The following MAP3K19 variants were observed in gnomAD, a reference collection of about 807,000 sequenced individuals.
MAP3K19 encodes the protein mitogen-activated protein kinase kinase kinase 19.
A neutral mutation model predicts 114.4 loss-of-function variants in MAP3K19; 91 were observed. The observed-to-expected ratio is 0.80, with a 90% CI of 0.67 to 0.95. The LOEUF (loss-of-function observed/expected upper bound fraction) is 0.95. Ranked by LOEUF, MAP3K19 falls within the 40% of genes least tolerant of loss-of-function variation. The pLI is 0.00. For synonymous variants in MAP3K19, 518 were observed against 530.5 expected, an observed-to-expected ratio of 0.98 and a Z score of 0.32; for missense variants, 1,471 against 1,573.2, an observed-to-expected ratio of 0.94 and a Z score of 1.10.
intron 6 of MAP3K19, among the ~76,000 whole-genome samples, chr2:135,000,479 C>T (rs772220280): frequency 2.8e-4 from 42 of 152,190 alleles, no homozygotes; most frequent in Non-Finnish European, 5.1e-4. Context: ...TTATAGAATA[C>T]GCGCTTGCTC....
chr2:134,993,407 C>T (rs951540614), intron 8 of MAP3K19, among the ~76,000 whole-genome samples: 1 of 152,184 alleles, frequency 6.6e-6, no homozygotes, highest in African/African-American at 2.4e-5. Flanking sequence ...TGGCACCTCC[C>T]CTTCATTCTT....
chr2:135,006,848 GA>G (rs1234202601), intron 5 of MAP3K19, among the ~76,000 whole-genome samples: 1 of 147,462 alleles, frequency 6.8e-6, no homozygotes, highest in Non-Finnish European at 1.5e-5. Context: ...GAGAGAGAGA[GA>G]AAAAAGAAAA....
At chr2:134,984,512 T>A (rs1684951943) in intron 10 of MAP3K19, among the ~76,000 whole-genome samples, 1 of 152,042 alleles carries the variant, frequency 6.6e-6, no homozygotes, top group Non-Finnish European at 1.5e-5. Flanking sequence ...AATCAACCCA[T>A]TATCTACAGT....
At position 134,988,152 on chromosome 2, in the gene MAP3K19, A is replaced by G. The variant is rs10928526; in HGVS notation, c.720T>C (p.Ser240=). 372,507 of 1,612,894 alleles carry G rather than the reference A, an allele frequency of 0.23. 51,134 individuals are homozygous for G. The highest frequency in any genetic ancestry group is 0.57 in the Middle Eastern group (3,476 of 6,060). Residue 240 remains serine, a synonymous_variant, in exon 10 of 13, where the codon AGT becomes AGC. Transcript: ENST00000392915. ...FPKEKERNIP[S]LTSFVPKLSV... is the part of the protein sequence containing the mutation. ...AGAGCTTAGGCACAAAAGATGTGAG[A>G]CTTGGAATGTTTCTTTCTTTTTCTT...
At position 134,987,838 on chromosome 2, in the gene MAP3K19, C is replaced by T. The variant is rs757793546; in HGVS notation, c.1034G>A (p.Arg345Lys). The T allele has an allele frequency of 2.5e-6, 4 of 1,609,942 alleles. No individual in the cohort carries two copies. Among genetic ancestry groups the T allele is most frequent in the African/African-American group, 2.7e-5 (2 of 74,924 alleles). Residue 345 changes from arginine to lysine, a missense_variant, in exon 10 of 13, where the codon AGG (arginine) becomes AAG (lysine). Physicochemically the swap from Arg to Lys is conservative, Grantham distance 26. Transcript: ENST00000392915. ...NLKEGNIPAV[R>K]EEDIDCHGSK... is the part of the protein sequence containing the mutation. ...ACCATGGCAGTCAATATCCTCTTCC[C>T]TAACTGCAGGAATATTGCCTTCCTT...
intron 2 of MAP3K19, among the ~76,000 whole-genome samples, chr2:135,031,030 T>C (rs1347350946): frequency 1.3e-5 from 2 of 151,984 alleles, no homozygotes; most frequent in Non-Finnish European, 1.5e-5. Context: ...CTCTATTCAA[T>C]ATGGTGAGGG....
chr2:134,990,311 C>T (rs1003731106), intron 9 of MAP3K19, among the ~76,000 whole-genome samples: 1 of 152,130 alleles, frequency 6.6e-6, no homozygotes, highest in African/African-American at 2.4e-5. Context: ...CCTCTGCTAC[C>T]TCTGTGACAG....
intron 9 of MAP3K19, among the ~76,000 whole-genome samples, chr2:134,991,053 G>A (rs1685531968): frequency 6.6e-6 from 1 of 151,852 alleles, no homozygotes; most frequent in African/African-American, 2.4e-5. Flanking sequence ...AGAACACCCA[G>A]CACTTTGGGA....
rs13026548 is a variant in MAP3K19, at chr2:134,967,914, T to G, written c.3921-2998A>C. 6.9e-3 allele frequency among the ~76,000 whole-genome samples: 1,043 copies of G among 151,536 alleles called. 4 individuals carry two copies. The highest frequency in any genetic ancestry group is 0.031 in the Middle Eastern group (9 of 294). On this transcript the variant is annotated intron_variant, in intron 12 of 12. Coordinates refer to ENST00000392915, the MANE Select transcript of MAP3K19 (RefSeq NM_025052.5). ...CTTGGGTGTTTCTCGCAGAGGGGGA[T>G]TTGGCAGGGTCATAGGACAATAGTG...
rs146051594 is a variant in MAP3K19, at chr2:134,986,613, T to C, written c.2259A>G (p.Leu753=). Residue 753 remains leucine, a synonymous_variant, in exon 10 of 13, where the codon CTA becomes CTG. Transcript: ENST00000392915. ...EKSSKAVHSN[L]HDIENGDGIS... is the part of the protein sequence containing the mutation. ...TACCATCACCATTTTCAATGTCATG[T>C]AGGTTGCTATGTACAGCCTTGGAAC... is the stretch of plus-strand genomic sequence containing the variant. The C allele has an allele frequency of 1.1e-4, 170 of 1,614,204 alleles. No individual in the cohort carries two copies. The African/African-American group carries it at 2.0e-3, about 19-fold the overall frequency.
intron 4 of MAP3K19, among the ~76,000 whole-genome samples, chr2:135,024,246 T>G (rs529148524): frequency 6.6e-6 from 1 of 152,356 alleles, no homozygotes; most frequent in African/African-American, 2.4e-5. Context: ...GGCACACTTT[T>G]CATTATACTT....
chr2:134,987,063 A>T lies in MAP3K19; in HGVS notation c.1809T>A (p.Thr603=). 3 of 1,612,752 alleles carry T rather than the reference A, an allele frequency of 1.9e-6. No homozygotes were observed. The highest frequency in any genetic ancestry group is 2.5e-6 in the Non-Finnish European group (3 of 1,179,978). The part of the protein sequence containing the change: ...KMPQIAKKQS[T]HRTQKPKKQS... ...GCTTTTTAGGTTTCTGAGTCCGGTG[A>T]GTTGATTGCTTCTTTGCTATCTGTG... is the stretch of plus-strand genomic sequence containing the variant. Residue 603 remains threonine, a synonymous_variant, in exon 10 of 13, where the codon ACT becomes ACA. Coordinates refer to ENST00000392915, the MANE Select transcript of MAP3K19 (RefSeq NM_025052.5).
At chr2:135,014,334 C>T (rs1687440253) in intron 5 of MAP3K19, among the ~76,000 whole-genome samples, 1 of 151,938 alleles carries the variant, frequency 6.6e-6, no homozygotes, top group Admixed American at 6.6e-5. Context: ...GCACCCCAGC[C>T]TAGGTGACAG....
chr2:134,990,833 T>C (rs567464346), intron 9 of MAP3K19, among the ~76,000 whole-genome samples: 1 of 152,280 alleles, frequency 6.6e-6, no homozygotes, highest in South Asian at 2.1e-4. Flanking sequence ...ATACAGCATA[T>C]AATACATATA....
intron 5 of MAP3K19, among the ~76,000 whole-genome samples, chr2:135,011,690 T>C (rs1687248665): frequency 6.6e-6 from 1 of 152,064 alleles, no homozygotes; most frequent in Non-Finnish European, 1.5e-5. Context: ...TGTTTGTTTG[T>C]TTGTTTTTTA....
At position 134,986,898 on chromosome 2, in the gene MAP3K19, A is replaced by G; in HGVS notation, c.1974T>C (p.Asn658=). 1 of 1,614,222 alleles carries G rather than the reference A, an allele frequency of 6.2e-7. No individual in the cohort carries two copies. Among genetic ancestry groups the G allele is most frequent in the Non-Finnish European group, 8.5e-7 (1 of 1,180,044 alleles). ...DMFKEINSTA[N]GPGIYEMFGT... is the part of the protein sequence containing the mutation. ...CAAACATTTCATAGATTCCAGGTCC[A>G]TTAGCAGTTGAATTGATTTCTTTGA... Residue 658 remains asparagine, a synonymous_variant, in exon 10 of 13, where the codon AAT becomes AAC. Transcript: ENST00000392915.
chr2:134,975,468 G>T (rs1684172198), intron 12 of MAP3K19, among the ~76,000 whole-genome samples: 2 of 152,172 alleles, frequency 1.3e-5, no homozygotes, highest in South Asian at 4.1e-4. Context: ...GGCCAGGCTT[G>T]GTTGACCTTT....
intron 5 of MAP3K19, among the ~76,000 whole-genome samples, chr2:135,016,128 G>A (rs1355223332): frequency 1.3e-5 from 2 of 152,186 alleles, no homozygotes; most frequent in Non-Finnish European, 2.9e-5. Flanking sequence ...ATGGTGGCAT[G>A]TGCCTGCAGT....
At chr2:135,031,947 C>G (rs1047634680) in intron 2 of MAP3K19, among the ~76,000 whole-genome samples, 5 of 152,172 alleles carry the variant, frequency 3.3e-5, no homozygotes, top group African/African-American at 1.2e-4. Context: ...AATGGAACAG[C>G]CTTCTCTCCA....
Sources: allele counts gnomAD v4.1 joint callset (sites outside exome capture counted in the v4.1 genomes callset), GRCh38; gene constraint gnomAD v4.1.1; transcripts MANE v1.5; gene names NCBI Gene and HGNC (gene_info 2026-07-23, HGNC 2026-07-21).